Variants in ADAMTS3 observed in about 807,000 individuals in gnomAD.
ADAMTS3 encodes ADAM metallopeptidase with thrombospondin type 1 motif 3, also known as A disintegrin and metalloproteinase with thrombospondin motifs 3.
Under a neutral mutation model 129.0 loss-of-function variants are expected in ADAMTS3, and 73 were observed. That is an observed-to-expected ratio of 0.57 (90% CI 0.47 to 0.69). The LOEUF is 0.69. ADAMTS3 is among the 30% of genes least tolerant of loss of function. ADAMTS3 has a pLI of 0.00. For missense variants in ADAMTS3, 1,457 were observed against 1,514.5 expected, an observed-to-expected ratio of 0.96 and a Z score of 0.63; for synonymous variants, 477 against 510.8, an observed-to-expected ratio of 0.93 and a Z score of 0.89.
At chr4:72,445,834 G>T (rs1055857771) in intron 3 of ADAMTS3, among the ~76,000 whole-genome samples, 4 of 151,630 alleles carry the variant, frequency 2.6e-5, no homozygotes, top group African/African-American at 9.7e-5. Context: ...AATCATTAAA[G>T]AATGATATCA....
intron 3 of ADAMTS3, chr4:72,441,845 C>G (rs1718124456): frequency 6.7e-6 from 1 of 149,736 alleles, no homozygotes; most frequent in Non-Finnish European, 1.5e-5. Context: ...AAAAGGGAAG[C>G]CTTGACAAGA....
At chr4:72,389,246 G>A (rs1721523540) in intron 4 of ADAMTS3, among the ~76,000 whole-genome samples, 1 of 151,974 alleles carries the variant, frequency 6.6e-6, no homozygotes, top group Non-Finnish European at 1.5e-5. Context: ...TACCGCACAG[G>A]TATCCTAACT....
intron 5 of ADAMTS3, among the ~76,000 whole-genome samples, chr4:72,337,781 T>C (rs1266648599): frequency 2.0e-5 from 3 of 152,178 alleles, no homozygotes; most frequent in Non-Finnish European, 4.4e-5. Context: ...GCATGACTTT[T>C]ATTGTTTACG....
At chr4:72,396,735 A>C (rs968517274) in intron 4 of ADAMTS3, among the ~76,000 whole-genome samples, 1 of 152,184 alleles carries the variant, frequency 6.6e-6, no homozygotes, top group Non-Finnish European at 1.5e-5. Flanking sequence ...TAAATTTTAA[A>C]TATTCTGCTT....
intron 3 of ADAMTS3, among the ~76,000 whole-genome samples, chr4:72,498,335 G>A (rs1308298912): frequency 1.3e-5 from 2 of 151,452 alleles, no homozygotes; most frequent in Non-Finnish European, 2.9e-5. Context: ...GACATCACGA[G>A]CTCTACTCAC....
At chr4:72,363,898 C>T (rs573708069) in intron 4 of ADAMTS3, among the ~76,000 whole-genome samples, 5 of 151,884 alleles carry the variant, frequency 3.3e-5, no homozygotes, top group East Asian at 3.9e-4. Flanking sequence ...TTGCCAGATA[C>T]GACGATGATG....
At chr4:72,418,029 A>G (rs1273862707) in intron 3 of ADAMTS3, among the ~76,000 whole-genome samples, 1 of 152,024 alleles carries the variant, frequency 6.6e-6, no homozygotes, top group African/African-American at 2.4e-5. Flanking sequence ...TCATTTGATT[A>G]AATCCAGTTG....
At chr4:72,342,054 T>G (rs1173158353) in intron 4 of ADAMTS3, among the ~76,000 whole-genome samples, 2 of 152,210 alleles carry the variant, frequency 1.3e-5, no homozygotes, top group African/African-American at 4.8e-5. Flanking sequence ...TGCAAAATTA[T>G]GGCAAAGCTA....
In ADAMTS3 at chr4:72,283,141, T is replaced by A; in HGVS notation, c.3613A>T (p.Arg1205Ter). The change falls in exon 22 of 22, where the codon AGA becomes TGA. Residue 1205 changes from arginine to a stop codon, truncating the protein, a stop_gained. Coordinates refer to ENST00000286657, the MANE Select transcript of ADAMTS3 (RefSeq NM_014243.3). LOFTEE classifies it high-confidence loss of function. ...AGCCTTTTTGGTTCACTTTCTCATC[T>A]TTCTAAGGTGGATGATCTTGTCGGA... ...RRPTRSSTLE[R>*] The A allele has an allele frequency of 6.3e-7, 1 of 1,596,260 alleles. No individual in the cohort carries two copies.
chr4:72,493,694 G>A (rs1407441886), intron 3 of ADAMTS3, among the ~76,000 whole-genome samples: 1 of 151,956 alleles, frequency 6.6e-6, no homozygotes, highest in African/African-American at 2.4e-5. Flanking sequence ...GCTTTCAAAT[G>A]CTTTTTGTTG....
chr4:72,427,015 T>C (rs1211425982), intron 3 of ADAMTS3, among the ~76,000 whole-genome samples: 1 of 152,188 alleles, frequency 6.6e-6, no homozygotes, highest in Non-Finnish European at 1.5e-5. Flanking sequence ...TATATTGTTT[T>C]TCTATTGCTG....
intron 3 of ADAMTS3, among the ~76,000 whole-genome samples, chr4:72,512,025 A>T (rs1578747532): frequency 6.6e-6 from 1 of 152,216 alleles, no homozygotes; most frequent in South Asian, 2.1e-4. Context: ...AAAGACAAAC[A>T]TCATATGTTC....
chr4:72,295,438 A>G (rs1718779625), intron 19 of ADAMTS3, among the ~76,000 whole-genome samples: 1 of 152,114 alleles, frequency 6.6e-6, no homozygotes, highest in South Asian at 2.1e-4. Flanking sequence ...AAATATCAAA[A>G]TAAATATAAC....
chr4:72,398,413 T>C lies in ADAMTS3; in HGVS notation c.661+16402A>G, dbSNP rs563701783. ...CTCTACTAAAAATACAAAAAATAAATAAATAAATAAAAATAGGTGGGCATA... is the reference window on the plus strand; with the variant it reads ...CTCTACTAAAAATACAAAAAATAAACAAATAAATAAAAATAGGTGGGCATA... On this transcript the variant is annotated intron_variant, in intron 4 of 21. Transcript: ENST00000286657. Among the ~76,000 whole-genome samples the C allele has an allele frequency of 2.6e-5, 4 of 151,612 alleles. No individual in the cohort carries two copies. In the East Asian group the frequency reaches 7.8e-4, roughly 30 times the overall value.
intron 4 of ADAMTS3, among the ~76,000 whole-genome samples, chr4:72,405,127 G>A (rs1049810948): frequency 1.3e-5 from 2 of 152,084 alleles, no homozygotes; most frequent in African/African-American, 2.4e-5. Flanking sequence ...AATAAACTAT[G>A]TTGAGGCTCC....
chr4:72,300,113 CT>C (rs996677668), intron 17 of ADAMTS3, among the ~76,000 whole-genome samples: 12 of 151,252 alleles, frequency 7.9e-5, no homozygotes, highest in Admixed American at 5.3e-4. Context: ...TTTTTTCTGT[CT>C]TTTTTTTTAA....
chr4:72,400,434 T>C lies in ADAMTS3; in HGVS notation c.661+14381A>G, dbSNP rs866199988. Among the ~76,000 whole-genome samples, 141 of 20,420 alleles carry C rather than the reference T, an allele frequency of 6.9e-3. 16 individuals carry two copies. Among genetic ancestry groups the C allele is most frequent in the African/African-American group, 0.03 (134 of 4,472 alleles). The allele number at this position is 20,420 out of a possible 152,430, so 13.4% of individuals were successfully genotyped here. ...GTGTGTATATATACGTGTGCATAGATATGCACACGGTGTGTATATATACGT... is the reference window on the plus strand; with the variant it reads ...GTGTGTATATATACGTGTGCATAGACATGCACACGGTGTGTATATATACGT... On this transcript the variant is annotated intron_variant, in intron 4 of 21. Transcript: ENST00000286657.
At position 72,281,313 on chromosome 4, in the gene ADAMTS3, T is replaced by C. The variant is rs1259031078; in HGVS notation, c.*1823A>G. The C allele has an allele frequency of 1.3e-5, 2 of 152,556 alleles. No homozygotes were observed. Among genetic ancestry groups the C allele is most frequent in the African/African-American group, 4.8e-5 (2 of 41,444 alleles). 9.5% of individuals were successfully genotyped at this position (152,556 alleles called of 1,614,324 possible). On this transcript the variant is annotated 3_prime_UTR_variant, in exon 22 of 22. Transcript: ENST00000286657. The stretch of plus-strand genomic sequence containing the variant: ...CAAAGTAGCAGCAATTCTTTAGAGG[T>C]ATAGAGTCAATAGTTTAAGCTGTTA...
chr4:72,465,315 C>T (rs1718889271), intron 3 of ADAMTS3, among the ~76,000 whole-genome samples: 1 of 151,890 alleles, frequency 6.6e-6, no homozygotes, highest in African/African-American at 2.4e-5. Context: ...TTAGCAAGTT[C>T]CAAGAACAAA....
Sources: gnomAD v4.1 joint callset for allele counts (sites outside exome capture counted in the v4.1 genomes callset) on GRCh38, gnomAD v4.1.1 for gene constraint, MANE v1.5 for transcripts, NCBI Gene and HGNC (gene_info 2026-07-23, HGNC 2026-07-21) for gene names.